The following NRXN1 variants were observed in gnomAD, a reference collection of about 807,000 sequenced individuals.
NRXN1 encodes the protein neurexin-1.
In NRXN1, 39 loss-of-function variants were observed where a neutral mutation model predicts 150.9. That is an observed-to-expected ratio of 0.26 (90% CI 0.20 to 0.34). The LOEUF (loss-of-function observed/expected upper bound fraction) is 0.34. Ranked by LOEUF, NRXN1 falls within the 10% of genes least tolerant of loss-of-function variation. NRXN1 has a pLI of 1.00. For missense variants in NRXN1, 1,815 were observed against 1,949.9 expected (o/e 0.93, Z 1.30); for synonymous variants, 924 against 757.0 (o/e 1.22, Z -3.62).
chr2:50,124,834 A>C (rs1704344622), intron 18 of NRXN1, among the ~76,000 whole-genome samples: 1 of 152,130 alleles, frequency 6.6e-6, no homozygotes, highest in Admixed American at 6.6e-5. Flanking sequence ...CCACATCTTT[A>C]GTCTTAAAAT....
In NRXN1 at chr2:50,273,790, G is replaced by T. The variant is rs185499040; in HGVS notation, c.3365-36820C>A. ...ATATGAAAAAAAGCTCATCATCACT[G>T]CTTATTAGAGAAATGCAAATCAAAA... On this transcript the variant is annotated intron_variant, in intron 17 of 22. Transcript: ENST00000401669. Among the ~76,000 whole-genome samples, 722 of 152,152 alleles carry T rather than the reference G, an allele frequency of 4.7e-3. 11 individuals carry two copies. The highest frequency in any genetic ancestry group is 7.5e-3 in the Non-Finnish European group (507 of 67,992).
intron 22 of NRXN1, among the ~76,000 whole-genome samples, chr2:49,924,087 C>G (rs1248197532): frequency 6.6e-6 from 1 of 152,226 alleles, no homozygotes; most frequent in African/African-American, 2.4e-5. Flanking sequence ...CTTTTAAATA[C>G]AGTCATCTTT....
intron 2 of NRXN1, among the ~76,000 whole-genome samples, chr2:50,927,956 T>C (rs750453065): frequency 1.3e-5 from 2 of 151,934 alleles, no homozygotes; most frequent in Non-Finnish European, 2.9e-5. Flanking sequence ...ATGCACTAAG[T>C]AGGGCATTAT....
intron 17 of NRXN1, among the ~76,000 whole-genome samples, chr2:50,434,385 T>G (rs1241475917): frequency 6.6e-6 from 1 of 152,062 alleles, no homozygotes; most frequent in Non-Finnish European, 1.5e-5. Context: ...CCCGGCCATC[T>G]TTTGCTTTTT....
intron 21 of NRXN1, among the ~76,000 whole-genome samples, chr2:50,048,989 A>T (rs968573971): frequency 1.3e-5 from 2 of 152,210 alleles, no homozygotes; most frequent in African/African-American, 4.8e-5. Flanking sequence ...AAAAGAAAAT[A>T]AAAAAGGTTA....
chr2:50,405,088 T>C (rs1412322493), intron 17 of NRXN1, among the ~76,000 whole-genome samples: 1 of 152,154 alleles, frequency 6.6e-6, no homozygotes, highest in Admixed American at 6.6e-5. Flanking sequence ...ACAAGGTGTG[T>C]GTGATATTGT....
At chr2:50,975,490 T>A (rs530821123) in intron 2 of NRXN1, among the ~76,000 whole-genome samples, 42 of 152,272 alleles carry the variant, frequency 2.8e-4, no homozygotes, top group African/African-American at 9.1e-4. Flanking sequence ...AAATTAGCTG[T>A]GATTCTACTA....
At chr2:50,674,238 A>T (rs1268072273) in intron 5 of NRXN1, among the ~76,000 whole-genome samples, 2 of 152,166 alleles carry the variant, frequency 1.3e-5, no homozygotes. Flanking sequence ...ATGAAAGAAA[A>T]GTCATTCTCG....
At chr2:50,504,577 A>T (rs1031691817) in intron 13 of NRXN1, among the ~76,000 whole-genome samples, 1 of 151,904 alleles carries the variant, frequency 6.6e-6, no homozygotes, top group African/African-American at 2.4e-5. Flanking sequence ...TACATTTCTT[A>T]AAAAAAATGT....
chr2:50,206,132 CTTAT>C (rs2062551647), intron 18 of NRXN1, among the ~76,000 whole-genome samples: 1 of 151,884 alleles, frequency 6.6e-6, no homozygotes, highest in Non-Finnish European at 1.5e-5. Context: ...TACTAGAAAA[CTTAT>C]TTATTTGCAA....
intron 21 of NRXN1, among the ~76,000 whole-genome samples, chr2:50,042,414 G>C (rs189300728): frequency 6.6e-6 from 1 of 152,258 alleles, no homozygotes; most frequent in East Asian, 1.9e-4. Context: ...ACCATGTGAA[G>C]AAGCATGTGT....
chr2:50,726,699 ATATTAACACTTGAAATAATAT>A (rs1458931781), intron 5 of NRXN1, among the ~76,000 whole-genome samples: 1 of 152,208 alleles, frequency 6.6e-6, no homozygotes, highest in East Asian at 1.9e-4. Flanking sequence ...ACCTAGAATT[ATATTAACACTTGAAATAATAT>A]TACTTCCCTC....
chr2:50,664,396 C>CATGT (rs1323686018), intron 5 of NRXN1, among the ~76,000 whole-genome samples: 1 of 108,038 alleles, frequency 9.3e-6, no homozygotes, highest in African/African-American at 3.4e-5. Flanking sequence ...AAGTTTAAAG[C>CATGT]GTGTGTGTGT....
chr2:50,981,966 TAGAG>T (rs564074017), intron 2 of NRXN1, among the ~76,000 whole-genome samples: 1,578 of 151,722 alleles, frequency 0.01, 16 homozygotes, highest in Non-Finnish European at 0.014. Flanking sequence ...GAGAGAGAGA[TAGAG>T]AAAGAGGAGC....
chr2:50,008,763 A>G (rs1196624685), intron 21 of NRXN1, among the ~76,000 whole-genome samples: 1 of 152,092 alleles, frequency 6.6e-6, no homozygotes, highest in Non-Finnish European at 1.5e-5. Flanking sequence ...ATTCTGCTTC[A>G]GGATTGGAGT....
At chr2:50,943,350 G>T (rs574228723) in intron 2 of NRXN1, among the ~76,000 whole-genome samples, 1 of 152,250 alleles carries the variant, frequency 6.6e-6, no homozygotes, top group Non-Finnish European at 1.5e-5. Context: ...GGCAAAAACT[G>T]CAATTACTTT....
At chr2:50,051,208 A>G (rs1692661415) in intron 21 of NRXN1, among the ~76,000 whole-genome samples, 1 of 151,978 alleles carries the variant, frequency 6.6e-6, no homozygotes, top group Non-Finnish European at 1.5e-5. Context: ...ATTTCTACGT[A>G]TTTAGCTTTC....
chr2:50,670,412 T>C (rs1202614107), intron 5 of NRXN1, among the ~76,000 whole-genome samples: 2 of 139,078 alleles, frequency 1.4e-5, no homozygotes, highest in African/African-American at 5.4e-5. Flanking sequence ...ACGTAAACAA[T>C]ATTAAGTATA....
chr2:50,942,589 C>G (rs896940185), intron 2 of NRXN1, among the ~76,000 whole-genome samples: 4 of 152,128 alleles, frequency 2.6e-5, no homozygotes, highest in Non-Finnish European at 5.9e-5. Flanking sequence ...TATTTTGGAG[C>G]TTTAAGATTT....
Sources: allele counts gnomAD v4.1 joint callset (sites outside exome capture counted in the v4.1 genomes callset), GRCh38; gene constraint gnomAD v4.1.1; transcripts MANE v1.5; gene names NCBI Gene and HGNC (gene_info 2026-07-23, HGNC 2026-07-21).